SLMAP: variants seen among roughly 807,000 people sequenced by gnomAD.
SLMAP encodes sarcolemmal membrane-associated protein.
SLMAP carries 44 observed loss-of-function variants against 128.8 expected under a neutral mutation model. That is an observed-to-expected ratio of 0.34 (90% CI 0.27 to 0.44). The LOEUF (loss-of-function observed/expected upper bound fraction) is 0.44, where lower values mean the gene tolerates loss of function less well. Ranked by LOEUF, SLMAP falls within the 20% of genes least tolerant of loss-of-function variation. The pLI is 1.00. For synonymous variants in SLMAP, 327 were observed against 348.8 expected (o/e 0.94, Z 0.70); for missense variants, 787 against 985.3 (o/e 0.80, Z 2.69).
chr3:57,807,051 C>T lies in SLMAP; in HGVS notation c.199-24332C>T, dbSNP rs2090028439. ...TGTTGTTTCTTAGCTTTTTAATAAT[C>T]AACATTCTGACTGGTGTGAGATGGT... On this transcript the variant is annotated intron_variant, in intron 2 of 24. Transcript: ENST00000671191. 4.6e-5 allele frequency among the ~76,000 whole-genome samples: 7 copies of T among 152,248 alleles called. No individual in the cohort carries two copies. The East Asian group carries it at 1.3e-3, about 29-fold the overall frequency.
intron 2 of SLMAP, among the ~76,000 whole-genome samples, chr3:57,793,199 C>G (rs901968541): frequency 6.6e-6 from 1 of 152,132 alleles, no homozygotes; most frequent in Non-Finnish European, 1.5e-5. Context: ...GTAGTTAGGA[C>G]TACAGGCTTA....
intron 2 of SLMAP, among the ~76,000 whole-genome samples, chr3:57,767,568 A>G (rs971270047): frequency 1.3e-5 from 2 of 152,372 alleles, no homozygotes; most frequent in East Asian, 3.9e-4. Context: ...AATTATATAT[A>G]TGAACTATTA....
rs150567463 is a variant in SLMAP at position 57,864,931 on chromosome 3, A to G, written c.1186+74A>G. The G allele has an allele frequency of 4.3e-4, 500 of 1,154,612 alleles. 2 individuals carry two copies. In the East Asian group the frequency reaches 0.011, roughly 26 times the overall value. 71.5% of individuals were successfully genotyped at this position (1,154,612 alleles called of 1,614,324 possible). The stretch of plus-strand genomic sequence containing the variant: ...CTTTTGACCTTGTTTACTGTCTCAC[A>G]CTGCATTTTTTAAGGGATGTTTTAT... On this transcript the variant is annotated intron_variant, in intron 12 of 24. Transcript: ENST00000671191.
chr3:57,780,283 A>C (rs1487036014), intron 2 of SLMAP, among the ~76,000 whole-genome samples: 1 of 151,992 alleles, frequency 6.6e-6, no homozygotes, highest in Admixed American at 6.6e-5. Context: ...AGTAGCTGGA[A>C]CTACAGGTGC....
chr3:57,823,076 T>C (rs991255040), intron 2 of SLMAP, among the ~76,000 whole-genome samples: 8 of 151,904 alleles, frequency 5.3e-5, no homozygotes, highest in African/African-American at 1.9e-4. Flanking sequence ...CCAGAAAAAA[T>C]TAAAAAGCAT....
intron 17 of SLMAP, among the ~76,000 whole-genome samples, chr3:57,906,609 G>A (rs1414106014): frequency 2.7e-5 from 4 of 146,456 alleles, no homozygotes; most frequent in African/African-American, 7.5e-5. Context: ...GAACCACCGC[G>A]CCTAGGCCAG....
At chr3:57,761,178 G>C (rs977093776) in intron 2 of SLMAP, among the ~76,000 whole-genome samples, 2 of 152,130 alleles carry the variant, frequency 1.3e-5, no homozygotes, top group Non-Finnish European at 2.9e-5. Flanking sequence ...GTGGGGAAGA[G>C]GGAACTATTT....
intron 6 of SLMAP, among the ~76,000 whole-genome samples, chr3:57,851,183 G>A (rs192573046): frequency 1.4e-4 from 21 of 152,254 alleles, no homozygotes; most frequent in African/African-American, 5.1e-4. Flanking sequence ...GTAGAGCTGG[G>A]ATTTGAACCT....
intron 19 of SLMAP, among the ~76,000 whole-genome samples, chr3:57,910,621 G>T (rs1391882162): frequency 6.6e-6 from 1 of 152,168 alleles, no homozygotes; most frequent in Non-Finnish European, 1.5e-5. Context: ...TTTCCAGAAA[G>T]ACCCCTGCCT....
At chr3:57,853,030 T>C (rs921812338) in intron 6 of SLMAP, among the ~76,000 whole-genome samples, 3 of 152,246 alleles carry the variant, frequency 2.0e-5, no homozygotes, top group East Asian at 1.9e-4. Context: ...ATTAGATTTC[T>C]GTTAGGATAT....
chr3:57,779,370 A>G (rs1398764213), intron 2 of SLMAP, among the ~76,000 whole-genome samples: 1 of 151,892 alleles, frequency 6.6e-6, no homozygotes, highest in Non-Finnish European at 1.5e-5. Context: ...TTAGCCAAGC[A>G]TGCTGATGTG....
intron 3 of SLMAP, among the ~76,000 whole-genome samples, chr3:57,834,183 T>C (rs2093503102): frequency 6.6e-6 from 1 of 152,112 alleles, no homozygotes; most frequent in African/African-American, 2.4e-5. Context: ...TTAAGAAATC[T>C]GACACTAATC....
chr3:57,924,929 TGTCA>T (rs1275758816), intron 23 of SLMAP, among the ~76,000 whole-genome samples: 1 of 147,040 alleles, frequency 6.8e-6, no homozygotes, highest in Non-Finnish European at 1.5e-5. Context: ...GGTGAAGTAT[TGTCA>T]GTGTTTTTTG....
intron 8 of SLMAP, among the ~76,000 whole-genome samples, chr3:57,858,997 TC>T (rs576539872): frequency 4.6e-5 from 7 of 152,112 alleles, no homozygotes; most frequent in Non-Finnish European, 1.0e-4. Flanking sequence ...ATTCTGTTAT[TC>T]CTTCACTTAT....
intron 2 of SLMAP, among the ~76,000 whole-genome samples, chr3:57,803,097 A>G (rs2088954250): frequency 6.6e-6 from 1 of 152,216 alleles, no homozygotes; most frequent in Non-Finnish European, 1.5e-5. Context: ...AGCAACTACT[A>G]CAGTCTAAAA....
intron 14 of SLMAP, among the ~76,000 whole-genome samples, chr3:57,883,375 T>G (rs2095797978): frequency 6.6e-6 from 1 of 152,214 alleles, no homozygotes; most frequent in African/African-American, 2.4e-5. Context: ...ATTTAGAAAT[T>G]ACTCAAGGTA....
At chr3:57,918,842 T>C (rs978407958) in intron 22 of SLMAP, among the ~76,000 whole-genome samples, 1 of 152,194 alleles carries the variant, frequency 6.6e-6, no homozygotes, top group African/African-American at 2.4e-5. Context: ...GACTAAAATA[T>C]TACAAGCTAA....
intron 15 of SLMAP, 79 bp from the exon 16 acceptor site, chr3:57,896,432 C>A: frequency 6.9e-7 from 1 of 1,452,968 alleles, no homozygotes; most frequent in Non-Finnish European, 9.0e-7. Flanking sequence ...AGATTTTGAG[C>A]ATTCATAGCC....
intron 10 of SLMAP, among the ~76,000 whole-genome samples, chr3:57,863,249 A>G (rs2095172133): frequency 6.6e-6 from 1 of 152,128 alleles, no homozygotes; most frequent in Admixed American, 6.5e-5. Flanking sequence ...TGATAGGGTA[A>G]TGTCTAGTTG....
Sources: allele counts gnomAD v4.1 joint callset (sites outside exome capture counted in the v4.1 genomes callset), GRCh38; gene constraint gnomAD v4.1.1; transcripts MANE v1.5; gene names NCBI Gene and HGNC (gene_info 2026-07-23, HGNC 2026-07-21).